The following AUH variants were observed in gnomAD, a reference collection of about 807,000 sequenced individuals.
AUH encodes AU RNA binding methylglutaconyl-CoA hydratase.
A neutral mutation model predicts 42.3 loss-of-function variants in AUH; 29 were observed. The observed-to-expected ratio is 0.69, with a 90% CI of 0.51 to 0.93. The LOEUF is 0.93. AUH is among the 40% of genes least tolerant of loss of function. AUH has a pLI of 0.00. For synonymous variants in AUH, 174 were observed against 166.4 expected (o/e 1.05, Z -0.35); for missense variants, 452 against 438.1 (o/e 1.03, Z -0.28).
intron 4 of AUH, among the ~76,000 whole-genome samples, chr9:91,305,508 TG>T (rs1183920957): frequency 6.6e-6 from 1 of 152,190 alleles, no homozygotes; most frequent in Non-Finnish European, 1.5e-5. Flanking sequence ...AATGCAACTG[TG>T]GGGAGTTCAA....
At chr9:91,279,330 G>A (rs1293029984) in intron 6 of AUH, among the ~76,000 whole-genome samples, 1 of 152,140 alleles carries the variant, frequency 6.6e-6, no homozygotes, top group Non-Finnish European at 1.5e-5. Context: ...AAATAATACA[G>A]AGAAATAACT....
At chr9:91,237,209 T>G (rs1286815507) in intron 6 of AUH, among the ~76,000 whole-genome samples, 1 of 152,160 alleles carries the variant, frequency 6.6e-6, no homozygotes, top group Non-Finnish European at 1.5e-5. Context: ...TCAAAACTGT[T>G]TACTTATCAA....
At chr9:91,273,590 ATTTAT>A (rs1825324056) in intron 6 of AUH, among the ~76,000 whole-genome samples, 1 of 152,248 alleles carries the variant, frequency 6.6e-6, no homozygotes, top group Non-Finnish European at 1.5e-5. Context: ...AAAATGTTAC[ATTTAT>A]TTAAGGTCGC....
chr9:91,301,079 C>CT (rs550127966), intron 4 of AUH, among the ~76,000 whole-genome samples: 6 of 152,130 alleles, frequency 3.9e-5, no homozygotes, highest in East Asian at 3.9e-4. Flanking sequence ...GCCTACTTTT[C>CT]TTTTTTTTAT....
chr9:91,313,309 C>G (rs369864526), intron 4 of AUH, among the ~76,000 whole-genome samples: 1 of 152,194 alleles, frequency 6.6e-6, no homozygotes, highest in East Asian at 1.9e-4. Flanking sequence ...ATAATTTTAA[C>G]AGTACAATGC....
At chr9:91,259,602 T>C (rs904819874) in intron 6 of AUH, among the ~76,000 whole-genome samples, 1 of 152,178 alleles carries the variant, frequency 6.6e-6, no homozygotes, top group Non-Finnish European at 1.5e-5. Flanking sequence ...CATTGTTTTA[T>C]CTACATCCCA....
At chr9:91,292,941 G>A (rs962643320) in intron 6 of AUH, among the ~76,000 whole-genome samples, 1 of 151,960 alleles carries the variant, frequency 6.6e-6, no homozygotes, top group African/African-American at 2.4e-5. Flanking sequence ...CCATATTTTG[G>A]TAATTTTCAC....
intron 6 of AUH, among the ~76,000 whole-genome samples, chr9:91,259,383 T>C (rs995297532): frequency 4.0e-5 from 6 of 151,382 alleles, no homozygotes; most frequent in South Asian, 2.1e-4. Context: ...TGTCTCCCTC[T>C]GACCTCACCT....
intron 1 of AUH, chr9:91,360,537 A>C (rs1261014717): frequency 6.6e-6 from 1 of 152,240 alleles, no homozygotes; most frequent in East Asian, 1.9e-4. Context: ...TCTCATCTTC[A>C]TAACAAACCT....
intron 3 of AUH, among the ~76,000 whole-genome samples, chr9:91,331,857 C>G (rs142465498): frequency 6.9e-4 from 105 of 152,272 alleles, no homozygotes; most frequent in African/African-American, 2.4e-3. Flanking sequence ...CTTCCTTGGC[C>G]CCCACTAACC....
intron 6 of AUH, among the ~76,000 whole-genome samples, chr9:91,223,928 C>T (rs1188916108): frequency 2.0e-5 from 3 of 152,128 alleles, no homozygotes; most frequent in Non-Finnish European, 4.4e-5. Flanking sequence ...ATCAAAGAAC[C>T]AAAACTCAGC....
intron 6 of AUH, among the ~76,000 whole-genome samples, chr9:91,283,323 G>C (rs1296442826): frequency 6.6e-6 from 1 of 152,082 alleles, no homozygotes; most frequent in African/African-American, 2.4e-5. Flanking sequence ...AAAATAATAA[G>C]AGCTATTTAT....
At chr9:91,269,447 T>C (rs1443013387) in intron 6 of AUH, among the ~76,000 whole-genome samples, 1 of 152,236 alleles carries the variant, frequency 6.6e-6, no homozygotes, top group Non-Finnish European at 1.5e-5. Context: ...GATCTAAATA[T>C]AAACGTTTAA....
intron 6 of AUH, among the ~76,000 whole-genome samples, chr9:91,263,692 AT>A: frequency 6.6e-6 from 1 of 152,304 alleles, no homozygotes; most frequent in East Asian, 1.9e-4. Flanking sequence ...CTCAGAATAA[AT>A]TTTCTGACTA....
intron 6 of AUH, among the ~76,000 whole-genome samples, chr9:91,264,288 T>C (rs1240053027): frequency 6.6e-6 from 1 of 152,234 alleles, no homozygotes; most frequent in Non-Finnish European, 1.5e-5. Context: ...CTTTTCTTGC[T>C]GATTGCTTAA....
At chr9:91,282,128 G>A (rs1425993604) in intron 6 of AUH, among the ~76,000 whole-genome samples, 1 of 152,074 alleles carries the variant, frequency 6.6e-6, no homozygotes, top group Non-Finnish European at 1.5e-5. Context: ...TCTGGTTGTG[G>A]TGATGTGGTG....
intron 6 of AUH, among the ~76,000 whole-genome samples, chr9:91,253,162 T>C (rs1404947737): frequency 6.6e-6 from 1 of 152,230 alleles, no homozygotes; most frequent in Admixed American, 6.5e-5. Flanking sequence ...AACCTCGGAC[T>C]ACATGACAAA....
At chr9:91,323,127 A>C (rs1231319647) in intron 4 of AUH, among the ~76,000 whole-genome samples, 1 of 152,240 alleles carries the variant, frequency 6.6e-6, no homozygotes, top group Non-Finnish European at 1.5e-5. Flanking sequence ...GCTCACCTTA[A>C]CAAATGAATA....
At chr9:91,298,158 AT>A in intron 4 of AUH, 82 bp from the exon 5 acceptor site, 1 of 1,124,338 alleles carries the variant, frequency 8.9e-7, no homozygotes, top group Non-Finnish European at 1.3e-6. Flanking sequence ...TTTTCTGTGA[AT>A]TTATGCTTTA....
Sources: allele counts gnomAD v4.1 joint callset (sites outside exome capture counted in the v4.1 genomes callset), GRCh38; gene constraint gnomAD v4.1.1; transcripts MANE v1.5; gene names NCBI Gene and HGNC (gene_info 2026-07-23, HGNC 2026-07-21).